ZFHX4: variants seen among roughly 807,000 people sequenced by gnomAD.
ZFHX4 encodes the protein zinc finger homeobox 4.
Under a neutral mutation model 267.6 loss-of-function variants are expected in ZFHX4, and 56 were observed. The observed-to-expected ratio is 0.21, with a 90% CI of 0.17 to 0.26. The LOEUF is 0.26. Among genes scored for constraint, ZFHX4 ranks in the 10% least tolerant of loss-of-function variants. The probability of loss-of-function intolerance (pLI) is 1.00; values close to 1 mark genes in which losing one functional copy is unlikely to be tolerated. For synonymous variants in ZFHX4, 1,778 were observed against 1,665.6 expected (o/e 1.07, Z -1.64); for missense variants, 4,332 against 4,420.0 (o/e 0.98, Z 0.56).
intron 3 of ZFHX4, among the ~76,000 whole-genome samples, chr8:76,774,163 GC>G (rs1810344399): frequency 6.6e-6 from 1 of 152,064 alleles, no homozygotes. Flanking sequence ...AATGTTGAGT[GC>G]CCCTTGTGGC....
At chr8:76,798,525 A>G (rs1201302513) in intron 4 of ZFHX4, among the ~76,000 whole-genome samples, 1 of 152,116 alleles carries the variant, frequency 6.6e-6, no homozygotes. Flanking sequence ...ATTTTATCTC[A>G]GTTCTCTATC....
At chr8:76,848,510 T>A (rs777039511) in intron 6 of ZFHX4, among the ~76,000 whole-genome samples, 6 of 152,212 alleles carry the variant, frequency 3.9e-5, no homozygotes, top group Non-Finnish European at 8.8e-5. Context: ...TTTCCGTTTT[T>A]AAATCCATTC....
chr8:76,821,874 A>C (rs1201675078), intron 4 of ZFHX4, among the ~76,000 whole-genome samples: 2 of 152,050 alleles, frequency 1.3e-5, no homozygotes, highest in South Asian at 4.2e-4. Flanking sequence ...TCCCAGGCTC[A>C]ATCATGGACC....
At chr8:76,831,669 T>C (rs963474061) in intron 4 of ZFHX4, among the ~76,000 whole-genome samples, 1 of 152,190 alleles carries the variant, frequency 6.6e-6, no homozygotes, top group African/African-American at 2.4e-5. Flanking sequence ...ACTTGGACCA[T>C]GTAAAAATTA....
intron 6 of ZFHX4, among the ~76,000 whole-genome samples, chr8:76,847,482 C>G (rs1731607912): frequency 6.6e-6 from 1 of 151,964 alleles, no homozygotes; most frequent in Non-Finnish European, 1.5e-5. Context: ...TGTACCAACT[C>G]AAATAAATTC....
Position 76,850,875 on chromosome 8 carries a change from T to C in ZFHX4, c.3965-11T>C, listed in dbSNP as rs892033795. 142 of 1,568,034 alleles carry C rather than the reference T, an allele frequency of 9.1e-5. No individual in the cohort carries two copies. Among genetic ancestry groups the C allele is most frequent in the Non-Finnish European group, 1.2e-4 (138 of 1,160,618 alleles). ...TATTGTAAGAGAGATGTTTGTGCTT[T>C]TTCCTAATAGGTGAAAGTCCAATGG... On this transcript the variant is annotated splice_polypyrimidine_tract_variant and intron_variant, in intron 9 of 10. Coordinates refer to ENST00000651372, the MANE Select transcript of ZFHX4 (RefSeq NM_024721.5).
In ZFHX4 at chr8:76,705,057, G is replaced by C. The variant is rs756035851; in HGVS notation, c.969G>C (p.Gln323His). ...ATAAATGCGTCTCCGCCATAATACA[G>C]GGGATTGGCAAAGACAAAGAACCTC... ...LSNKCVSAIIQGIGKDKEPLI... is the reference protein window; with the variant it reads ...LSNKCVSAIIHGIGKDKEPLI... The change falls in exon 2 of 11, where the codon CAG (glutamine) becomes CAC (histidine). Residue 323 changes from glutamine (Q) to histidine (H), a missense_variant. By Grantham distance (24) the Gln-to-His change is conservative. Coordinates refer to ENST00000651372, the MANE Select transcript of ZFHX4 (RefSeq NM_024721.5). 5 of 1,613,970 alleles carry C rather than the reference G, an allele frequency of 3.1e-6. No individual in the cohort carries two copies. The highest frequency in any genetic ancestry group is 4.2e-6 in the Non-Finnish European group (5 of 1,179,872).
At chr8:76,772,465 A>T (rs1036087803) in intron 3 of ZFHX4, among the ~76,000 whole-genome samples, 1 of 152,090 alleles carries the variant, frequency 6.6e-6, no homozygotes, top group African/African-American at 2.4e-5. Context: ...GGTAAGGAAG[A>T]CTGAGTAAGA....
At chr8:76,730,130 A>C (rs1245062564) in intron 3 of ZFHX4, among the ~76,000 whole-genome samples, 1 of 152,190 alleles carries the variant, frequency 6.6e-6, no homozygotes, top group African/African-American at 2.4e-5. Flanking sequence ...ATCTTGAATC[A>C]GAAGGACAAA....
intron 3 of ZFHX4, among the ~76,000 whole-genome samples, chr8:76,712,257 A>C (rs1056079958): frequency 6.6e-6 from 1 of 152,148 alleles, no homozygotes; most frequent in Non-Finnish European, 1.5e-5. Context: ...CATGTTATGG[A>C]TTAAAGAATC....
At chr8:76,857,928 T>C (rs1812775093) in intron 10 of ZFHX4, among the ~76,000 whole-genome samples, 1 of 152,138 alleles carries the variant, frequency 6.6e-6, no homozygotes, top group African/African-American at 2.4e-5. Context: ...AAAAATATCT[T>C]ATATGGAAAG....
intron 1 of ZFHX4, among the ~76,000 whole-genome samples, chr8:76,685,386 T>C (rs188934005): frequency 2.3e-3 from 354 of 152,302 alleles, no homozygotes; most frequent in African/African-American, 8.0e-3. Flanking sequence ...AATCTTTCAC[T>C]GCAGAATGGC....
intron 3 of ZFHX4, among the ~76,000 whole-genome samples, chr8:76,742,477 C>A (rs1809345752): frequency 6.6e-6 from 1 of 151,978 alleles, no homozygotes. Context: ...TTTTAGAAGG[C>A]CTGAGAGTTT....
chr8:76,758,846 T>TGA (rs1809834280), intron 3 of ZFHX4, among the ~76,000 whole-genome samples: 1 of 152,110 alleles, frequency 6.6e-6, no homozygotes, highest in Non-Finnish European at 1.5e-5. Context: ...CAGAGTCTAG[T>TGA]GAGAGGTCTG....
At chr8:76,846,747 G>T (rs1019673499) in intron 6 of ZFHX4, among the ~76,000 whole-genome samples, 3 of 151,896 alleles carry the variant, frequency 2.0e-5, no homozygotes, top group Admixed American at 6.6e-5. Context: ...CTCAATATAA[G>T]AATAAAATAC....
intron 5 of ZFHX4, among the ~76,000 whole-genome samples, chr8:76,841,803 C>T (rs1199892710): frequency 6.6e-6 from 1 of 152,116 alleles, no homozygotes; most frequent in Non-Finnish European, 1.5e-5. Context: ...TGGCATTACT[C>T]AGATTGCCAA....
chr8:76,863,441 T>A lies in ZFHX4; in HGVS notation c.9727T>A (p.Leu3243Met), dbSNP rs760363006. 6.2e-7 allele frequency: 1 copy of A among 1,613,988 alleles called. No individual in the cohort carries two copies. The highest frequency in any genetic ancestry group is 1.1e-5 in the South Asian group (1 of 91,072). Residue 3243 changes from leucine to methionine, a missense_variant, in exon 11 of 11, where the codon TTG (leucine) becomes ATG (methionine). Physicochemically the swap from Leu to Met is conservative, Grantham distance 15. Transcript: ENST00000651372. ...TGAAACACATGTCGATCCTATTCAG[T>A]TGCAGGCATTACAGAATGCAATTGC... ...VGETHVDPIQ[L>M]QALQNAIAGD...
intron 4 of ZFHX4, among the ~76,000 whole-genome samples, chr8:76,780,363 C>T (rs182168727): frequency 2.6e-5 from 4 of 152,178 alleles, no homozygotes; most frequent in African/African-American, 7.2e-5. Flanking sequence ...CTGGTTACTA[C>T]CCAGTGGTTG....
chr8:76,728,600 T>C lies in ZFHX4; in HGVS notation c.3093+20552T>C, dbSNP rs541784620. 7.2e-5 allele frequency among the ~76,000 whole-genome samples: 11 copies of C among 152,300 alleles called. No individual in the cohort carries two copies. In the South Asian group the frequency reaches 2.3e-3, roughly 32 times the overall value. ...GATGAAAGGAAGAGCATACACCCTTTCAATGCAAGTGGAAGAACCGGCCTT... is the reference window on the plus strand; with the variant it reads ...GATGAAAGGAAGAGCATACACCCTTCCAATGCAAGTGGAAGAACCGGCCTT... On this transcript the variant is annotated intron_variant, in intron 3 of 10. Coordinates refer to ENST00000651372, the MANE Select transcript of ZFHX4 (RefSeq NM_024721.5).
Sources: allele counts gnomAD v4.1 joint callset (sites outside exome capture counted in the v4.1 genomes callset), GRCh38; gene constraint gnomAD v4.1.1; transcripts MANE v1.5; gene names NCBI Gene and HGNC (gene_info 2026-07-23, HGNC 2026-07-21).